Variants in ME1 observed in about 807,000 individuals in gnomAD.
ME1 encodes the protein malic enzyme 1.
Under a neutral mutation model 66.4 loss-of-function variants are expected in ME1, and 74 were observed. The ratio of observed to expected loss-of-function variants is 1.11; its 90% confidence interval spans 0.92 to 1.35. ME1 has a LOEUF of 1.35. Ranked by LOEUF, ME1 falls within the 40% of genes most tolerant of loss-of-function variation. The pLI is 0.00. For missense variants in ME1, 750 were observed against 694.1 expected (o/e 1.08, Z -0.90); for synonymous variants, 251 against 235.6 (o/e 1.07, Z -0.60).
At chr6:83,253,982 AG>A (rs1790764551) in intron 6 of ME1, among the ~76,000 whole-genome samples, 2 of 152,178 alleles carry the variant, frequency 1.3e-5, no homozygotes, top group African/African-American at 4.8e-5. Context: ...CCTTTCCTTA[AG>A]GAATTTAACT....
intron 12 of ME1, among the ~76,000 whole-genome samples, chr6:83,218,645 G>A (rs1229721348): frequency 6.6e-6 from 1 of 152,142 alleles, no homozygotes; most frequent in Non-Finnish European, 1.5e-5. Flanking sequence ...TACATCAGAG[G>A]GCCAGATTTG....
intron 6 of ME1, among the ~76,000 whole-genome samples, chr6:83,303,061 G>A (rs760699534): frequency 7.9e-5 from 12 of 152,074 alleles, no homozygotes; most frequent in African/African-American, 2.7e-4. Context: ...GGAATTGTCT[G>A]GATAGATTTA....
intron 3 of ME1, among the ~76,000 whole-genome samples, chr6:83,376,277 G>A (rs1769286884): frequency 6.6e-6 from 1 of 151,942 alleles, no homozygotes; most frequent in African/African-American, 2.4e-5. Context: ...TAGGTGAATC[G>A]CCTGAGGTCA....
At chr6:83,241,539 A>G (rs1790509898) in intron 7 of ME1, among the ~76,000 whole-genome samples, 1 of 152,196 alleles carries the variant, frequency 6.6e-6, no homozygotes, top group Non-Finnish European at 1.5e-5. Flanking sequence ...ATTTAAAGAT[A>G]TATTTCATAA....
intron 2 of ME1, 143 bp downstream of exon 2, chr6:83,407,624 AC>A (rs1215467269): frequency 3.7e-6 from 3 of 819,500 alleles, no homozygotes; most frequent in Non-Finnish European, 5.4e-6. Flanking sequence ...TTTTTTAAAA[AC>A]ATCATTGTGT....
At chr6:83,430,414 G>A (rs11968280) in intron 1 of ME1, among the ~76,000 whole-genome samples, 6,599 of 152,220 alleles carry the variant, frequency 0.043, 477 homozygotes, top group African/African-American at 0.15. Flanking sequence ...TTCTGTCTGG[G>A]CAGGACCAGT....
chr6:83,297,568 G>A (rs866074995), intron 6 of ME1, among the ~76,000 whole-genome samples: 1 of 150,452 alleles, frequency 6.6e-6, no homozygotes, highest in Admixed American at 6.7e-5. Context: ...GAGCACTTAC[G>A]ACCATCTAAT....
intron 3 of ME1, among the ~76,000 whole-genome samples, chr6:83,372,676 C>T (rs779185408): frequency 1.3e-5 from 2 of 152,152 alleles, no homozygotes; most frequent in Non-Finnish European, 2.9e-5. Context: ...TGTGCTTTAT[C>T]TGGTTTTTCA....
At chr6:83,355,808 TAAG>T (rs1479301820) in intron 3 of ME1, among the ~76,000 whole-genome samples, 1 of 152,098 alleles carries the variant, frequency 6.6e-6, no homozygotes, top group East Asian at 1.9e-4. Flanking sequence ...AAAGTTTAAA[TAAG>T]AAAGGTATTT....
chr6:83,388,091 C>CCTTTTTTTTTT (rs1769547930), intron 3 of ME1, among the ~76,000 whole-genome samples: 2 of 133,394 alleles, frequency 1.5e-5, no homozygotes, highest in Admixed American at 1.7e-4. Flanking sequence ...TCCTTCCTTC[C>CCTTTTTTTTTT]TTTTTTTTTT....
At chr6:83,403,961 ACATACGTGTG>A (rs1769885269) in intron 2 of ME1, among the ~76,000 whole-genome samples, 2 of 152,174 alleles carry the variant, frequency 1.3e-5, no homozygotes. Context: ...GCCGCAGTAA[ACATACGTGTG>A]CATGTGTCTT....
intron 7 of ME1, among the ~76,000 whole-genome samples, chr6:83,242,507 A>G (rs924853437): frequency 5.3e-5 from 8 of 152,124 alleles, no homozygotes; most frequent in Non-Finnish European, 1.0e-4. Flanking sequence ...AGGCATTTAG[A>G]GTGCATACTC....
intron 5 of ME1, among the ~76,000 whole-genome samples, chr6:83,329,736 T>C: frequency 6.6e-6 from 1 of 152,238 alleles, no homozygotes; most frequent in East Asian, 1.9e-4. Flanking sequence ...AAATTATCTG[T>C]GTCCATATGT....
intron 8 of ME1, among the ~76,000 whole-genome samples, 182 bp downstream of exon 8, chr6:83,239,357 T>G (rs559980514): frequency 2.0e-5 from 3 of 152,076 alleles, no homozygotes; most frequent in Non-Finnish European, 4.4e-5. Context: ...TCATTACTTC[T>G]GTACTAAATT....
chr6:83,363,976 T>C (rs1191980803), intron 3 of ME1, among the ~76,000 whole-genome samples: 2 of 152,172 alleles, frequency 1.3e-5, no homozygotes, highest in Non-Finnish European at 2.9e-5. Flanking sequence ...AGGAGATGCA[T>C]ATGGGTTCAA....
chr6:83,211,296 T>TATGAGATGTAACAA lies in ME1; in HGVS notation c.*627_*628insTTGTTACATCTCAT, dbSNP rs1789865984. 3 of 152,738 alleles carry TATGAGATGTAACAA rather than the reference T, an allele frequency of 2.0e-5. No individual in the cohort carries two copies. Among genetic ancestry groups the TATGAGATGTAACAA allele is most frequent in the African/African-American group, 7.2e-5 (3 of 41,570 alleles). The allele number at this position is 152,738 out of a possible 1,614,324, so 9.5% of individuals were successfully genotyped here. On this transcript the variant is annotated 3_prime_UTR_variant, in exon 14 of 14. Transcript: ENST00000369705. ...ACTCAGGATCAAGGTAATAAGAGCT[T>TATGAGATGTAACAA]TACTCTATGAGATGTAACAATGACA... is the stretch of plus-strand genomic sequence containing the variant.
At chr6:83,389,995 A>G (rs1326977108) in intron 3 of ME1, among the ~76,000 whole-genome samples, 1 of 152,176 alleles carries the variant, frequency 6.6e-6, no homozygotes, top group Non-Finnish European at 1.5e-5. Context: ...ACCCACATAA[A>G]GTATCTATGC....
chr6:83,368,479 CAT>C (rs550910158), intron 3 of ME1, among the ~76,000 whole-genome samples: 66 of 152,194 alleles, frequency 4.3e-4, no homozygotes, highest in African/African-American at 1.3e-3. Flanking sequence ...AATATTTCCA[CAT>C]GTTTTGCATG....
intron 12 of ME1, 128 bp downstream of exon 12, chr6:83,223,632 G>C (rs537963160): frequency 1.2e-6 from 1 of 829,384 alleles, no homozygotes; most frequent in African/African-American, 1.7e-5. Flanking sequence ...ACTCCACTGG[G>C]AAGTTCTTCA....
Sources: gnomAD v4.1 joint callset for allele counts (sites outside exome capture counted in the v4.1 genomes callset) on GRCh38, gnomAD v4.1.1 for gene constraint, MANE v1.5 for transcripts, NCBI Gene and HGNC (gene_info 2026-07-23, HGNC 2026-07-21) for gene names.